The following SLC45A4 variants were observed in gnomAD, a reference collection of about 807,000 sequenced individuals.
SLC45A4 encodes polyamine-transporter SLC45A4.
Under a neutral mutation model 63.7 loss-of-function variants are expected in SLC45A4, and 32 were observed. The observed-to-expected ratio is 0.50, with a 90% CI of 0.38 to 0.67. The LOEUF (loss-of-function observed/expected upper bound fraction) is 0.67, where lower values mean the gene tolerates loss of function less well. Among genes scored for constraint, SLC45A4 ranks in the 30% least tolerant of loss-of-function variants. SLC45A4 has a pLI of 0.00. For missense variants in SLC45A4, 1,027 were observed against 1,157.7 expected (o/e 0.89, Z 1.64); for synonymous variants, 535 against 510.0 (o/e 1.05, Z -0.66).
At position 141,270,065 on chromosome 8, in the gene SLC45A4, A is replaced by G. The variant is rs140083892; in HGVS notation, c.-400-15436T>C. Among the ~76,000 whole-genome samples the G allele has an allele frequency of 3.8e-3, 573 of 151,970 alleles. 8 individuals carry two copies. The highest frequency in any genetic ancestry group is 0.013 in the African/African-American group (547 of 41,438). ...CAGACCCTTGCCCTGCCCTTCTCAC[A>G]CCTGCTTGCAGACCTTGCCTCCTGC... On this transcript the variant is annotated intron_variant, in intron 1 of 8. Coordinates refer to ENST00000517878, the MANE Select transcript of SLC45A4 (RefSeq NM_001286646.2).
At position 141,211,432 on chromosome 8, in the gene SLC45A4, C is replaced by T; in HGVS notation, c.*140G>A. Reference sequence around the variant, plus strand: ...CCCTGGGCAGGGTGTCTGGGAGCCACCCCTGCAAATCACTGTCTTCTGCCC... The same window carrying T: ...CCCTGGGCAGGGTGTCTGGGAGCCATCCCTGCAAATCACTGTCTTCTGCCC... On this transcript the variant is annotated 3_prime_UTR_variant, in exon 9 of 9. Coordinates refer to ENST00000517878, the MANE Select transcript of SLC45A4 (RefSeq NM_001286646.2). The T allele has an allele frequency of 6.4e-7, 1 of 1,562,808 alleles. No homozygotes were observed.
Position 141,210,407 on chromosome 8 carries a change from C to T in SLC45A4, c.*1165G>A, listed in dbSNP as rs1334748367. ...ACAAGGCCATTCTCAAGTTTCCACA[C>T]ATCCAGAAAATGTTCTTGAAGTCTT... On this transcript the variant is annotated 3_prime_UTR_variant, in exon 9 of 9. Transcript: ENST00000517878. The T allele has an allele frequency of 1.4e-5, 2 of 143,896 alleles. No individual in the cohort carries two copies. Among genetic ancestry groups the T allele is most frequent in the African/African-American group, 5.2e-5 (2 of 38,162 alleles). The allele number at this position is 143,896 out of a possible 1,614,324, so 8.9% of individuals were successfully genotyped here. A position where few individuals can be genotyped will look rare whatever the true frequency, so the allele number is the denominator to read the frequency against.
At chr8:141,301,672 C>T (rs1399227097) in intron 1 of SLC45A4, among the ~76,000 whole-genome samples, 3 of 135,876 alleles carry the variant, frequency 2.2e-5, no homozygotes, top group Non-Finnish European at 4.5e-5. Flanking sequence ...GAGGTCGAGG[C>T]TGCAGTGAGC....
Position 141,218,200 on chromosome 8 carries a change from G to A in SLC45A4, c.1440C>T (p.Ser480=), listed in dbSNP as rs371249642. ...HRNQSGATTS[S]GDTESEEGEG... is the part of the protein sequence containing the mutation. ...CCCCCTCCTCACTCTCGGTGTCCCC[G>A]CTGGAGGTGGTGGCCCCGCTCTGGT... The change falls in exon 5 of 9, where the codon AGC becomes AGT. Residue 480 remains serine (S), a synonymous_variant. Transcript: ENST00000517878. The A allele has an allele frequency of 3.5e-5, 56 of 1,603,248 alleles. 1 individual carries two copies. Among genetic ancestry groups the A allele is most frequent in the African/African-American group, 3.5e-4 (26 of 75,034 alleles).
intron 1 of SLC45A4, among the ~76,000 whole-genome samples, chr8:141,259,297 A>G (rs1452999103): frequency 1.3e-5 from 2 of 152,184 alleles, no homozygotes; most frequent in South Asian, 2.1e-4. Flanking sequence ...ACGCCTTGGG[A>G]CACTGCTGAC....
intron 2 of SLC45A4, among the ~76,000 whole-genome samples, chr8:141,236,915 A>G (rs1212695363): frequency 6.6e-6 from 1 of 152,080 alleles, no homozygotes; most frequent in East Asian, 1.9e-4. Context: ...ATCAACACAA[A>G]CCTCCATCGG....
rs368838052 is a variant in SLC45A4, at chr8:141,212,205, C to T, written c.2293G>A (p.Glu765Lys). The T allele has an allele frequency of 3.3e-6, 5 of 1,507,724 alleles. No individual in the cohort carries two copies. Among genetic ancestry groups the T allele is most frequent in the Non-Finnish European group, 4.4e-6 (5 of 1,126,598 alleles). The allele number at this position is 1,507,724 out of a possible 1,614,324, so 93.4% of individuals were successfully genotyped here. Residue 765 changes from glutamate to lysine, a missense_variant, in exon 8 of 9, where the codon GAG becomes AAG. Transcript: ENST00000517878. ...GGGAGTGCGGCTCAGACCACGGACTCTGTCTCCACCGGTCCCTGCAGGCCC... is the reference window on the plus strand; with the variant it reads ...GGGAGTGCGGCTCAGACCACGGACTTTGTCTCCACCGGTCCCTGCAGGCCC... ...KEGLQGPVET[E>K]SVTPAGIDVC...
rs1450242141 is a variant in SLC45A4 at position 141,229,123 on chromosome 8, T to G, written c.242-7358A>C. Among the ~76,000 whole-genome samples the G allele has an allele frequency of 6.6e-6, 1 of 152,164 alleles. No homozygotes were observed. Among genetic ancestry groups the G allele is most frequent in the African/African-American group, 2.4e-5 (1 of 41,422 alleles). ...CCCTTACCTGACATTCAATAACTGC[T>G]TAGTGCCCTTAAAAGAGCTGCACTC... is the stretch of plus-strand genomic sequence containing the variant. On this transcript the variant is annotated intron_variant, in intron 2 of 8. Coordinates refer to ENST00000517878, the MANE Select transcript of SLC45A4 (RefSeq NM_001286646.2). This position sits in a 1 kb window ranked among gnomAD's most constrained non-coding sequence, Gnocchi z 5.0.
chr8:141,230,158 G>A, intron 2 of SLC45A4: 1 of 455,690 alleles, frequency 2.2e-6, no homozygotes, highest in Non-Finnish European at 4.4e-6. Context: ...TAGACTCTTG[G>A]AAGTAGGTTT....
In SLC45A4 at chr8:141,218,875, C is replaced by T; in HGVS notation, c.765G>A (p.Glu255=). Residue 255 remains glutamate, a synonymous_variant, in exon 5 of 9, where the codon GAG becomes GAA. Coordinates refer to ENST00000517878, the MANE Select transcript of SLC45A4 (RefSeq NM_001286646.2). ...SVALHLFSID[E]EQYSPQQERS... ...GCTCCTGCTGCGGGCTGTACTGCTC[C>T]TCGTCGATGCTGAACAGGTGCAGGG... 2 of 1,613,606 alleles carry T rather than the reference C, an allele frequency of 1.2e-6. No homozygotes were observed. Among genetic ancestry groups the T allele is most frequent in the Non-Finnish European group, 1.7e-6 (2 of 1,179,938 alleles).
At chr8:141,294,589 A>G (rs927014620) in intron 1 of SLC45A4, among the ~76,000 whole-genome samples, 9 of 152,232 alleles carry the variant, frequency 5.9e-5, no homozygotes, top group African/African-American at 2.2e-4. Context: ...CCCTGTGAGC[A>G]GTGGAACTGC....
At chr8:141,259,457 T>C (rs1334706073) in intron 1 of SLC45A4, among the ~76,000 whole-genome samples, 1 of 152,182 alleles carries the variant, frequency 6.6e-6, no homozygotes, top group Non-Finnish European at 1.5e-5. Context: ...GCCTGCACCC[T>C]TCCGTCTCTC....
rs762823295 is a variant in SLC45A4 at position 141,307,028 on chromosome 8, A to T, written c.-401+1068T>A. Among the ~76,000 whole-genome samples the T allele has an allele frequency of 4.6e-5, 7 of 152,194 alleles. 1 individual carries two copies. The highest frequency in any genetic ancestry group is 2.1e-4 in the South Asian group (1 of 4,834). The stretch of plus-strand genomic sequence containing the variant: ...GTCTGTGAACCTGAAGCCACACTCC[A>T]TCAGTGACCCGCACTGGAGAGACAC... On this transcript the variant is annotated intron_variant, in intron 1 of 8. Coordinates refer to ENST00000517878, the MANE Select transcript of SLC45A4 (RefSeq NM_001286646.2).
At chr8:141,237,239 C>A (rs936952816) in intron 2 of SLC45A4, among the ~76,000 whole-genome samples, 1 of 152,202 alleles carries the variant, frequency 6.6e-6, no homozygotes, top group Non-Finnish European at 1.5e-5. Flanking sequence ...CTGTAAATCA[C>A]CTCCCTGGAG....
intron 2 of SLC45A4, chr8:141,224,344 G>C (rs539912123): frequency 4.3e-4 from 66 of 152,320 alleles, no homozygotes; most frequent in African/African-American, 1.5e-3. Context: ...CACACATCCT[G>C]GTTGGGCTTT....
At chr8:141,263,149 A>G (rs111821055) in intron 1 of SLC45A4, among the ~76,000 whole-genome samples, 2 of 141,932 alleles carry the variant, frequency 1.4e-5, no homozygotes, top group Admixed American at 1.5e-4. Flanking sequence ...TCACTCATAG[A>G]TGGGAATTGA....
At chr8:141,298,890 C>T (rs971312634) in intron 1 of SLC45A4, among the ~76,000 whole-genome samples, 1 of 151,908 alleles carries the variant, frequency 6.6e-6, no homozygotes, top group African/African-American at 2.4e-5. Context: ...AGAAGACAAA[C>T]GGCACTTTTC....
intron 3 of SLC45A4, among the ~76,000 whole-genome samples, chr8:141,220,241 C>A (rs111705933): frequency 0.01 from 1,570 of 152,344 alleles, 26 homozygotes; most frequent in African/African-American, 0.036. Flanking sequence ...ATGCCACAGA[C>A]AACCCGCAGG....
At chr8:141,271,121 C>T (rs377409933) in intron 1 of SLC45A4, among the ~76,000 whole-genome samples, 139 of 152,358 alleles carry the variant, frequency 9.1e-4, no homozygotes, top group African/African-American at 3.3e-3. Flanking sequence ...TGCCCGCCTC[C>T]GGCGCCCAGC....
Sources: gnomAD v4.1 joint callset for allele counts (sites outside exome capture counted in the v4.1 genomes callset) on GRCh38, gnomAD v4.1.1 for gene constraint, Gnocchi (gnomAD v3.1) non-coding constraint, MANE v1.5 for transcripts, NCBI Gene and HGNC (gene_info 2026-07-23, HGNC 2026-07-21) for gene names.